RBM20: variants seen among roughly 807,000 people sequenced by gnomAD.
The protein encoded by RBM20 is RNA-binding protein 20.
A neutral mutation model predicts 110.1 loss-of-function variants in RBM20; 51 were observed. The observed-to-expected ratio is 0.46, with a 90% CI of 0.37 to 0.59. The LOEUF is 0.59. Ranked by LOEUF, RBM20 falls within the 20% of genes least tolerant of loss-of-function variation. The probability of loss-of-function intolerance (pLI) is 0.00; values close to 1 mark genes in which losing one functional copy is unlikely to be tolerated. For synonymous variants in RBM20, 589 were observed against 618.2 expected (o/e 0.95, Z 0.70); for missense variants, 1,512 against 1,574.9 (o/e 0.96, Z 0.68).
At chr10:110,820,510 C>T (rs932284066) in intron 10 of RBM20, among the ~76,000 whole-genome samples, 2 of 152,172 alleles carry the variant, frequency 1.3e-5, no homozygotes, top group South Asian at 4.1e-4. Flanking sequence ...GGGGATGGGG[C>T]GAGAAGCTGC....
chr10:110,696,688 T>C (rs1394463410), intron 1 of RBM20, among the ~76,000 whole-genome samples: 1 of 152,010 alleles, frequency 6.6e-6, no homozygotes, highest in Non-Finnish European at 1.5e-5. Flanking sequence ...CCATGGCTGA[T>C]AGGGCAAGTG....
chr10:110,821,875 G>A lies in RBM20; in HGVS notation c.3256G>A (p.Ala1086Thr), dbSNP rs1400034557. The A allele has an allele frequency of 2.2e-5, 34 of 1,551,610 alleles. No individual in the cohort carries two copies. The highest frequency in any genetic ancestry group is 3.0e-5 in the Non-Finnish European group (34 of 1,147,008). The part of the protein sequence containing the change: ...ACEGSPLEEK[A>T]SPPIETDLQN... ...TGAAGGCAGCCCCCTGGAGGAGAAA[G>A]CCAGCCCCCCCATCGAAACTGACCT... Residue 1086 changes from alanine to threonine, a missense_variant, in exon 11 of 14, where the codon GCC (alanine) becomes ACC (threonine). By Grantham distance (58) the Ala-to-Thr change is moderately conservative (BLOSUM62 0). Coordinates refer to ENST00000369519, the MANE Select transcript of RBM20 (RefSeq NM_001134363.3).
chr10:110,689,130 A>G (rs1352024678), intron 1 of RBM20, among the ~76,000 whole-genome samples: 1 of 152,166 alleles, frequency 6.6e-6, no homozygotes, highest in Non-Finnish European at 1.5e-5. Context: ...GTTTCCCCCA[A>G]TGGCAACATC....
At chr10:110,666,048 G>GA (rs1862173978) in intron 1 of RBM20, among the ~76,000 whole-genome samples, 1 of 136,512 alleles carries the variant, frequency 7.3e-6, no homozygotes, top group East Asian at 2.9e-4. Flanking sequence ...AAGAAAGAAA[G>GA]CAGTTATACT....
At position 110,644,346 on chromosome 10, in the gene RBM20, G is replaced by A. The variant is rs1861833720; in HGVS notation, c.-109G>A. 2.4e-6 allele frequency: 2 copies of A among 846,162 alleles called. No individual in the cohort carries two copies. The highest frequency in any genetic ancestry group is 3.3e-6 in the Non-Finnish European group (2 of 612,874). 52.4% of individuals were successfully genotyped at this position (846,162 alleles called of 1,614,324 possible). On this transcript the variant is annotated 5_prime_UTR_variant, in exon 1 of 14. Transcript: ENST00000369519. This position sits in a 1 kb window ranked among gnomAD's most constrained non-coding sequence, Gnocchi z 4.3. Reference sequence around the variant, plus strand: ...TCGCGTCTCCTCCCCGCGCCACCGGGAAGGACAAGGGGACTGGGCACGGGG... The same window carrying A: ...TCGCGTCTCCTCCCCGCGCCACCGGAAAGGACAAGGGGACTGGGCACGGGG...
chr10:110,777,509 C>T (rs117302013), intron 1 of RBM20, among the ~76,000 whole-genome samples: 2,041 of 152,260 alleles, frequency 0.013, 19 homozygotes, highest in Non-Finnish European at 0.02. Flanking sequence ...ATCACTTCTA[C>T]TCAAGGTTGA....
chr10:110,830,266 T>A (rs536896510), intron 12 of RBM20, among the ~76,000 whole-genome samples: 60 of 152,312 alleles, frequency 3.9e-4, no homozygotes, highest in African/African-American at 1.4e-3. Flanking sequence ...CCTTCAAGGA[T>A]GACTCCCCTG....
At chr10:110,774,602 G>T (rs1206033214) in intron 1 of RBM20, among the ~76,000 whole-genome samples, 1 of 152,136 alleles carries the variant, frequency 6.6e-6, no homozygotes, top group Non-Finnish European at 1.5e-5. Flanking sequence ...CTGTCTCGGT[G>T]TGTGACTTAG....
At chr10:110,754,983 G>A (rs1462849225) in intron 1 of RBM20, among the ~76,000 whole-genome samples, 1 of 152,154 alleles carries the variant, frequency 6.6e-6, no homozygotes. Context: ...TCCTTCCTCT[G>A]GTTGCCTTTT....
At chr10:110,661,645 A>T (rs1394362807) in intron 1 of RBM20, among the ~76,000 whole-genome samples, 1 of 152,168 alleles carries the variant, frequency 6.6e-6, no homozygotes, top group Non-Finnish European at 1.5e-5. Flanking sequence ...CTCTGTAAGA[A>T]AGCAGGGTGA....
At position 110,812,415 on chromosome 10, in the gene RBM20, G is replaced by A. The variant is rs138926584; in HGVS notation, c.2018G>A (p.Arg673Gln). ...TCCCGGGCTGACTGGGGCAATGGCC[G>A]GGACTCCTGGGAGCACTCTCCCTAT... The part of the protein sequence containing the change: ...GPSRADWGNG[R>Q]DSWEHSPYAR... Residue 673 changes from arginine to glutamine, a missense_variant, in exon 9 of 14, where the codon CGG (arginine) becomes CAG (glutamine). Arg to Gln is a conservative substitution (Grantham distance 43). Around this residue, in one of 3 missense-constraint regions of RBM20, gnomAD observed 1,149 missense variants for 1,169.4 expected, o/e 0.98. Transcript: ENST00000369519. The A allele has an allele frequency of 3.5e-4, 542 of 1,551,680 alleles. 3 individuals are homozygous for A. The East Asian group carries it at 0.013, about 36-fold the overall frequency.
intron 1 of RBM20, among the ~76,000 whole-genome samples, chr10:110,701,109 T>C (rs1862751352): frequency 6.6e-6 from 1 of 152,210 alleles, no homozygotes; most frequent in African/African-American, 2.4e-5. Context: ...GCAAAGGAAA[T>C]GTCATTTAAA....
chr10:110,686,081 C>T (rs1862500569), intron 1 of RBM20, among the ~76,000 whole-genome samples: 1 of 152,124 alleles, frequency 6.6e-6, no homozygotes, highest in South Asian at 2.1e-4. Flanking sequence ...TTTAATCTCA[C>T]GGACCTTACT....
intron 1 of RBM20, among the ~76,000 whole-genome samples, chr10:110,684,362 C>G (rs1862467615): frequency 6.6e-6 from 1 of 151,862 alleles, no homozygotes; most frequent in South Asian, 2.1e-4. Context: ...CCATTGCACT[C>G]CAGCCTGGGT....
chr10:110,660,061 T>C (rs1160454386), intron 1 of RBM20, among the ~76,000 whole-genome samples: 1 of 152,044 alleles, frequency 6.6e-6, no homozygotes, highest in African/African-American at 2.4e-5. Flanking sequence ...CAAGCGATCA[T>C]TCTGCCTCAG....
chr10:110,682,111 C>T (rs550495635), intron 1 of RBM20, among the ~76,000 whole-genome samples: 7 of 152,194 alleles, frequency 4.6e-5, no homozygotes, highest in African/African-American at 1.7e-4. Context: ...AGGCTGATCT[C>T]GAACTCCTGA....
intron 1 of RBM20, among the ~76,000 whole-genome samples, chr10:110,716,526 G>A (rs953289970): frequency 6.6e-6 from 1 of 152,182 alleles, no homozygotes; most frequent in Non-Finnish European, 1.5e-5. Flanking sequence ...GTCCTAACTT[G>A]GAGTCAGTGT....
chr10:110,780,513 T>A (rs954877349), intron 1 of RBM20, among the ~76,000 whole-genome samples: 6 of 152,246 alleles, frequency 3.9e-5, no homozygotes, highest in African/African-American at 1.4e-4. Context: ...AGTGCCATTT[T>A]AAAAAATTGC....
chr10:110,730,478 C>T (rs1843609493), intron 1 of RBM20, among the ~76,000 whole-genome samples: 1 of 152,206 alleles, frequency 6.6e-6, no homozygotes, highest in Non-Finnish European at 1.5e-5. Flanking sequence ...GTCCCGAGGA[C>T]TCCTCTAGCC....
Sources: gnomAD v4.1 joint callset for allele counts (sites outside exome capture counted in the v4.1 genomes callset) on GRCh38, gnomAD v4.1.1 for gene constraint, gnomAD v4.1.1 regional missense constraint, Gnocchi (gnomAD v3.1) non-coding constraint, MANE v1.5 for transcripts, NCBI Gene and HGNC (gene_info 2026-07-23, HGNC 2026-07-21) for gene names.